The following ERC2 variants were observed in gnomAD, a reference collection of about 807,000 sequenced individuals.
ERC2 encodes ELKS/RAB6-interacting/CAST family member 2, also known as ERC protein 2.
Under a neutral mutation model 114.8 loss-of-function variants are expected in ERC2, and 42 were observed. The ratio of observed to expected loss-of-function variants is 0.37; its 90% CI spans 0.29 to 0.47. The LOEUF is 0.47. Among genes scored for constraint, ERC2 ranks in the 20% least tolerant of loss-of-function variants. ERC2 has a pLI of 0.99. For synonymous variants in ERC2, 454 were observed against 425.5 expected (o/e 1.07, Z -0.82); for missense variants, 939 against 1,150.7 (o/e 0.82, Z 2.66).
intron 3 of ERC2, among the ~76,000 whole-genome samples, chr3:56,237,043 C>T (rs2050995358): frequency 6.6e-6 from 1 of 152,186 alleles, no homozygotes; most frequent in Admixed American, 6.5e-5. Context: ...CAAAAACAGA[C>T]CCAACTTGCC....
At chr3:55,857,523 T>C (rs998271032) in intron 14 of ERC2, among the ~76,000 whole-genome samples, 3 of 152,188 alleles carry the variant, frequency 2.0e-5, no homozygotes, top group African/African-American at 7.2e-5. Context: ...TAAAACTTTT[T>C]ATCACCTCCA....
chr3:56,240,021 G>C lies in ERC2; in HGVS notation c.1074+55998C>G, dbSNP rs149683600. Among the ~76,000 whole-genome samples, 758 of 152,258 alleles carry C rather than the reference G, an allele frequency of 5.0e-3. 6 individuals are homozygous for C. Among genetic ancestry groups the C allele is most frequent in the African/African-American group, 0.018 (731 of 41,562 alleles). On this transcript the variant is annotated intron_variant, in intron 3 of 17. Coordinates refer to ENST00000288221, the MANE Select transcript of ERC2 (RefSeq NM_015576.3). ...TTAAACCTTTTACAAACCTTCCCGA[G>C]TTTGCCTAATTAGGCCAGTCCTGCA...
chr3:56,380,712 T>A (rs966338839), intron 2 of ERC2, among the ~76,000 whole-genome samples: 1 of 152,212 alleles, frequency 6.6e-6, no homozygotes, highest in African/African-American at 2.4e-5. Flanking sequence ...CACCATATCA[T>A]CTTTGATATA....
At chr3:55,947,404 C>T (rs1242204992) in intron 13 of ERC2, among the ~76,000 whole-genome samples, 3 of 152,218 alleles carry the variant, frequency 2.0e-5, no homozygotes, top group African/African-American at 4.8e-5. Context: ...CTCCACCTCT[C>T]CTCGTATCTA....
At chr3:55,586,122 T>C (rs2057587129) in intron 17 of ERC2, among the ~76,000 whole-genome samples, 2 of 151,916 alleles carry the variant, frequency 1.3e-5, no homozygotes, top group African/African-American at 4.8e-5. Context: ...GGCACACTGG[T>C]GCACCTGAGG....
At chr3:55,864,206 TAC>T (rs1559783546) in intron 14 of ERC2, among the ~76,000 whole-genome samples, 20 of 139,302 alleles carry the variant, frequency 1.4e-4, no homozygotes, top group African/African-American at 4.9e-4. Context: ...CACATATATA[TAC>T]ACACATATAT....
intron 14 of ERC2, among the ~76,000 whole-genome samples, chr3:55,884,721 GA>G (rs2063284431): frequency 6.6e-6 from 1 of 152,090 alleles, no homozygotes. Flanking sequence ...GTGAATGGGA[GA>G]CAGGCTTCTG....
At position 56,439,516 on chromosome 3, in the gene ERC2, C is replaced by A. The variant is rs149477155; in HGVS notation, c.-140-4369G>T. On this transcript the variant is annotated intron_variant, in intron 1 of 17. Coordinates refer to ENST00000288221, the MANE Select transcript of ERC2 (RefSeq NM_015576.3). ...TCTTTTCACTTTTTCACTATGTTTA[C>A]TTGTCTATTTGGGTTTGCTACCTAT... 3.4e-3 allele frequency among the ~76,000 whole-genome samples: 520 copies of A among 152,268 alleles called. 1 individual carries two copies. Among genetic ancestry groups the A allele is most frequent in the African/African-American group, 0.012 (491 of 41,558 alleles).
At chr3:56,133,784 T>A (rs2080341796) in intron 6 of ERC2, among the ~76,000 whole-genome samples, 1 of 152,238 alleles carries the variant, frequency 6.6e-6, no homozygotes, top group Non-Finnish European at 1.5e-5. Context: ...TTTAAAAGGC[T>A]AAGACTATCA....
In ERC2 at chr3:55,804,793, G is replaced by A. The variant is rs74355172; in HGVS notation, c.2565-69875C>T. 4.0e-3 allele frequency among the ~76,000 whole-genome samples: 614 copies of A among 152,126 alleles called. 9 individuals carry two copies. The highest frequency in any genetic ancestry group is 0.014 in the African/African-American group (584 of 41,496). ...AATAGCCACCATCATTCTTTTCACT[G>A]CTTCAGTCCGAGTTGGTTTTATTGA... On this transcript the variant is annotated intron_variant, in intron 14 of 17. Transcript: ENST00000288221.
chr3:55,782,357 G>A (rs1355244908), intron 14 of ERC2, among the ~76,000 whole-genome samples: 2 of 152,086 alleles, frequency 1.3e-5, no homozygotes, highest in African/African-American at 4.8e-5. Context: ...GCATCCTTTT[G>A]CATTTCAGCA....
chr3:55,910,336 G>A (rs952772349), intron 13 of ERC2, among the ~76,000 whole-genome samples: 16 of 150,138 alleles, frequency 1.1e-4, no homozygotes, highest in Non-Finnish European at 1.8e-4. Context: ...AGGTTGTAGT[G>A]AGCCGAGATC....
At chr3:55,955,136 C>A in intron 12 of ERC2, 1 of 515,930 alleles carries the variant, frequency 1.9e-6, no homozygotes, top group Non-Finnish European at 3.9e-6. Context: ...TGCATATGAA[C>A]GGAAACTCCT....
intron 17 of ERC2, among the ~76,000 whole-genome samples, chr3:55,584,215 TGAA>T (rs1473467402): frequency 6.6e-6 from 1 of 152,202 alleles, no homozygotes; most frequent in Non-Finnish European, 1.5e-5. Flanking sequence ...GCCCTGGATT[TGAA>T]GCCTGGGCCT....
intron 13 of ERC2, among the ~76,000 whole-genome samples, chr3:55,931,575 G>A (rs1371114462): frequency 6.6e-6 from 1 of 152,134 alleles, no homozygotes; most frequent in Non-Finnish European, 1.5e-5. Context: ...ACACAGGGAG[G>A]GGAACACCAC....
In ERC2 at chr3:56,299,113, TTTTTTGTTTTTTTTTTTGTTTGTTTG is replaced by T. The variant is rs1444051658; in HGVS notation, c.658-2704_658-2679del. ...GGTAGATAGTTTTTTTTTGTTTTTT[TTTTTTGTTTTTTTTTTTGTTTGTTTG>T]TTTTTTGAGACAGAGTCTCGTCCTG... On this transcript the variant is annotated intron_variant, in intron 2 of 17. Coordinates refer to ENST00000288221, the MANE Select transcript of ERC2 (RefSeq NM_015576.3). Among the ~76,000 whole-genome samples the T allele has an allele frequency of 8.7e-4, 119 of 136,612 alleles. 2 individuals carry two copies. Among genetic ancestry groups the T allele is most frequent in the African/African-American group, 3.1e-3 (108 of 34,900 alleles). 89.6% of individuals were successfully genotyped at this position (136,612 alleles called of 152,430 possible). A position where few individuals can be genotyped will look rare whatever the true frequency, so the allele number is the denominator to read the frequency against.
chr3:56,452,283 T>G (rs1424687863), intron 1 of ERC2, among the ~76,000 whole-genome samples: 1 of 152,140 alleles, frequency 6.6e-6, no homozygotes, highest in Non-Finnish European at 1.5e-5. Flanking sequence ...GTCAAGTTCC[T>G]CAGAAAGAAT....
In ERC2 at chr3:56,249,289, C is replaced by T. The variant is rs114352727; in HGVS notation, c.1074+46730G>A. ...ACATGAGGCATGAGAGACCTGTTTGCAGTCCTTGCTGGGCCACTTACAAAG... is the reference window on the plus strand; with the variant it reads ...ACATGAGGCATGAGAGACCTGTTTGTAGTCCTTGCTGGGCCACTTACAAAG... On this transcript the variant is annotated intron_variant, in intron 3 of 17. Transcript: ENST00000288221. 7.7e-3 allele frequency among the ~76,000 whole-genome samples: 1,173 copies of T among 152,188 alleles called. 18 individuals are homozygous for T. Among genetic ancestry groups the T allele is most frequent in the African/African-American group, 0.027 (1,120 of 41,520 alleles).
At chr3:56,396,952 G>A (rs953840166) in intron 2 of ERC2, among the ~76,000 whole-genome samples, 9 of 151,806 alleles carry the variant, frequency 5.9e-5, no homozygotes, top group Admixed American at 2.6e-4. Flanking sequence ...CAAACTTAAC[G>A]ACTCCCTACC....
Sources: gnomAD v4.1 joint callset for allele counts (sites outside exome capture counted in the v4.1 genomes callset) on GRCh38, gnomAD v4.1.1 for gene constraint, MANE v1.5 for transcripts, NCBI Gene and HGNC (gene_info 2026-07-23, HGNC 2026-07-21) for gene names.